The following WDR4 variants were observed in gnomAD, a reference collection of about 807,000 sequenced individuals.
WDR4 encodes the protein WDR4 tRNA N7-guanosine methyltransferase non-catalytic subunit, also known as tRNA (guanine-N(7)-)-methyltransferase non-catalytic subunit WDR4.
A neutral mutation model predicts 48.6 loss-of-function variants in WDR4; 47 were observed. The ratio of observed to expected loss-of-function variants is 0.97; its 90% CI spans 0.77 to 1.23. The LOEUF is 1.23. Ranked by LOEUF, WDR4 falls within the 50% of genes most tolerant of loss-of-function variation. The pLI, the probability that WDR4 is intolerant of heterozygous loss-of-function variation, is 0.00. For synonymous variants in WDR4, 268 were observed against 230.0 expected, an observed-to-expected ratio of 1.17 and a Z score of -1.49; for missense variants, 606 against 551.6, an observed-to-expected ratio of 1.10 and a Z score of -0.99.
intron 10 of WDR4, among the ~76,000 whole-genome samples, chr21:42,850,835 TTATC>T (rs1420165936): frequency 1.3e-5 from 2 of 152,094 alleles, no homozygotes; most frequent in Non-Finnish European, 2.9e-5. Context: ...TTCATCTACT[TTATC>T]TAAGTGCCAA....
chr21:42,878,491 A>G (rs1198764879), intron 1 of WDR4, among the ~76,000 whole-genome samples: 1 of 152,234 alleles, frequency 6.6e-6, no homozygotes. Context: ...GTTTCTGAGT[A>G]CAATTTTTGT....
chr21:42,891,944 A>G, the WDR4 span, among the ~76,000 whole-genome samples: 2 of 151,442 alleles, frequency 1.3e-5, no homozygotes, highest in Non-Finnish European at 2.9e-5. Context: ...GCAACAGAGC[A>G]AGACTCTGTC....
chr21:42,845,130 T>C (rs2057699658), downstream of WDR4, among the ~76,000 whole-genome samples: 1 of 152,032 alleles, frequency 6.6e-6, no homozygotes, highest in Non-Finnish European at 1.5e-5. Context: ...GCACATACAA[T>C]CACCCTCCCA....
At chr21:42,882,859 G>C (rs547752843), upstream of WDR4, among the ~76,000 whole-genome samples, 10 of 152,266 alleles carry the variant, frequency 6.6e-5, no homozygotes, top group South Asian at 1.9e-3. Context: ...AGCACTTTGA[G>C]AGGCCAAGGC....
chr21:42,847,830 G>C (rs373243424), downstream of WDR4, among the ~76,000 whole-genome samples: 1 of 152,190 alleles, frequency 6.6e-6, no homozygotes, highest in African/African-American at 2.4e-5. Context: ...CTGTCTGCCA[G>C]ACCCTATTTT....
Position 42,862,516 on chromosome 21 carries a change from C to G in WDR4, c.454-122G>C. 1 of 850,296 alleles carries G rather than the reference C, an allele frequency of 1.2e-6. No homozygotes were observed. The highest frequency in any genetic ancestry group is 1.8e-6 in the Non-Finnish European group (1 of 542,608). The allele number at this position is 850,296 out of a possible 1,614,324, so 52.7% of individuals were successfully genotyped here. On this transcript the variant is annotated intron_variant, in intron 4 of 10. Coordinates refer to ENST00000398208, the MANE Select transcript of WDR4 (RefSeq NM_018669.6). The surrounding 1 kb of genome is among the most constrained non-coding windows in gnomAD (Gnocchi z 4.3). ...GCCAAGAGGATGAGGCCTTCGAGGA[C>G]AGACCAGCGTGGCTCCTCCCCTCCT...
At chr21:42,869,677 A>T (rs549232207) in intron 3 of WDR4, among the ~76,000 whole-genome samples, 2 of 152,092 alleles carry the variant, frequency 1.3e-5, no homozygotes, top group East Asian at 3.9e-4. Context: ...GAAAAAAAAA[A>T]AGTTTACAAA....
the WDR4 span, among the ~76,000 whole-genome samples, chr21:42,884,590 T>G: frequency 6.6e-6 from 1 of 150,496 alleles, no homozygotes; most frequent in Non-Finnish European, 1.5e-5. Context: ...GAGGTTGCAG[T>G]GAGCCGAGAT....
downstream of WDR4, among the ~76,000 whole-genome samples, chr21:42,846,058 G>C (rs2057709178): frequency 6.6e-6 from 1 of 152,220 alleles, no homozygotes; most frequent in East Asian, 1.9e-4. Flanking sequence ...CTTGAGCCCA[G>C]GAGGCCCAGC....
At chr21:42,871,226 C>T (rs948294304) in intron 3 of WDR4, among the ~76,000 whole-genome samples, 6 of 152,310 alleles carry the variant, frequency 3.9e-5, no homozygotes, top group African/African-American at 1.4e-4. Context: ...GTTTTCCAGC[C>T]CCTACAACTG....
intron 3 of WDR4, among the ~76,000 whole-genome samples, chr21:42,866,574 G>T (rs1361374534): frequency 6.6e-6 from 1 of 152,122 alleles, no homozygotes; most frequent in Non-Finnish European, 1.5e-5. Flanking sequence ...TCCAGGTGTG[G>T]GGAGCAGCCC....
At chr21:42,864,269 A>G (rs2058196895) in intron 3 of WDR4, among the ~76,000 whole-genome samples, 1 of 151,862 alleles carries the variant, frequency 6.6e-6, no homozygotes, top group Non-Finnish European at 1.5e-5. Context: ...AGTCTTCATC[A>G]TGCATTGAGG....
intron 10 of WDR4, among the ~76,000 whole-genome samples, chr21:42,850,572 G>A (rs997180252): frequency 2.0e-5 from 3 of 152,322 alleles, no homozygotes; most frequent in South Asian, 2.1e-4. Context: ...GCCCTGTGGA[G>A]GGGCCCAGGT....
the WDR4 span, among the ~76,000 whole-genome samples, chr21:42,884,919 G>T: frequency 1.3e-5 from 2 of 151,996 alleles, no homozygotes; most frequent in South Asian, 4.1e-4. Context: ...GGGATTATAG[G>T]CACATGCCAC....
intron 1 of WDR4, among the ~76,000 whole-genome samples, chr21:42,877,356 C>A (rs1017683759): frequency 6.6e-6 from 1 of 151,024 alleles, no homozygotes; most frequent in Non-Finnish European, 1.5e-5. Context: ...GTTGGCCAGG[C>A]TGGTCTCAAG....
intron 2 of WDR4, among the ~76,000 whole-genome samples, chr21:42,875,161 A>G (rs1427173580): frequency 1.3e-5 from 2 of 152,176 alleles, no homozygotes; most frequent in Non-Finnish European, 2.9e-5. Context: ...AATTTCCCCC[A>G]ATACTTTGGG....
chr21:42,863,470 C>A lies in WDR4; in HGVS notation c.423G>T (p.Glu141Asp), dbSNP rs755752129. 6.2e-7 allele frequency: 1 copy of A among 1,613,876 alleles called. No individual in the cohort carries two copies. The highest frequency in any genetic ancestry group is 8.5e-7 in the Non-Finnish European group (1 of 1,179,888). Residue 141 changes from glutamate to aspartate, a missense_variant, in exon 4 of 11, where the codon GAG (glutamate) becomes GAT (aspartate). Physicochemically the swap from Glu to Asp is conservative, Grantham distance 45. Transcript: ENST00000398208. ...CTAACAGCATAGACAGGTGCCCCAG[C>A]TCTAGACGGCCACACCCGTGTGGCT... The part of the protein sequence containing the change: ...VLEPHGCGRL[E>D]LGHLSMLLDV...
intron 8 of WDR4, 30 bp downstream of exon 8, chr21:42,854,532 G>C (rs2298666): frequency 1.2e-6 from 2 of 1,604,164 alleles, no homozygotes; most frequent in Non-Finnish European, 1.7e-6. Flanking sequence ...CTGCAGAACC[G>C]GAGGCCATAG....
At chr21:42,859,141 C>T (rs550033799) in intron 6 of WDR4, among the ~76,000 whole-genome samples, 2 of 151,990 alleles carry the variant, frequency 1.3e-5, no homozygotes, top group African/African-American at 4.8e-5. Flanking sequence ...AACCCGGGTG[C>T]GGGCGCTCGA....
Sources: allele counts gnomAD v4.1 joint callset (sites outside exome capture counted in the v4.1 genomes callset), GRCh38; gene constraint gnomAD v4.1.1; non-coding constraint Gnocchi (gnomAD v3.1); transcripts MANE v1.5; gene names NCBI Gene and HGNC (gene_info 2026-07-23, HGNC 2026-07-21).